ZNF469: variants seen among roughly 807,000 people sequenced by gnomAD.
The protein encoded by ZNF469 is zinc finger protein 469.
In ZNF469, 1 loss-of-function variant was observed where a neutral mutation model predicts 1.0. The ratio of observed to expected loss-of-function variants is 1.00; its 90% CI spans 0.35 to 4.73. The LOEUF is 4.73. Ranked by LOEUF, ZNF469 falls within the 30% of genes most tolerant of loss-of-function variation. ZNF469 has a pLI of 0.16. For synonymous variants in ZNF469, 2,703 were observed against 2,363.4 expected (o/e 1.14, Z -4.17); for missense variants, 6,100 against 5,356.3 (o/e 1.14, Z -4.33).
the ZNF469 span, among the ~76,000 whole-genome samples, chr16:88,296,908 T>C: frequency 6.6e-6 from 1 of 152,094 alleles, no homozygotes; most frequent in Non-Finnish European, 1.5e-5. Flanking sequence ...GTGCAGCACG[T>C]TGGATGCAGC....
chr16:88,174,357 A>G, the ZNF469 span, among the ~76,000 whole-genome samples: 3 of 152,252 alleles, frequency 2.0e-5, no homozygotes, highest in Non-Finnish European at 4.4e-5. Context: ...GCAAAACTTG[A>G]TAGAACTGAA....
chr16:88,322,109 T>A, the ZNF469 span, among the ~76,000 whole-genome samples: 2 of 152,352 alleles, frequency 1.3e-5, no homozygotes, highest in East Asian at 1.9e-4. Context: ...TACAGCATCA[T>A]GGAGCCACGG....
the ZNF469 span, among the ~76,000 whole-genome samples, chr16:88,266,350 G>C: frequency 6.6e-6 from 1 of 152,244 alleles, no homozygotes; most frequent in African/African-American, 2.4e-5. Context: ...TGCTGGGGCC[G>C]CTCCGGCTGA....
chr16:88,285,397 TG>T, the ZNF469 span, among the ~76,000 whole-genome samples: 2 of 152,228 alleles, frequency 1.3e-5, no homozygotes, highest in African/African-American at 4.8e-5. Context: ...ATGGTCACCC[TG>T]GTGGACGAAG....
the ZNF469 span, among the ~76,000 whole-genome samples, chr16:88,259,284 C>G: frequency 7.3e-6 from 1 of 136,510 alleles, no homozygotes; most frequent in South Asian, 2.7e-4. The surrounding 1 kb of genome is among the most constrained non-coding windows in gnomAD (Gnocchi z 4.1). Context: ...AGAGAGGTGT[C>G]CTCGGTGGGT....
chr16:88,208,706 C>G, the ZNF469 span, among the ~76,000 whole-genome samples: 1 of 148,472 alleles, frequency 6.7e-6, no homozygotes, highest in Non-Finnish European at 1.5e-5. Context: ...ACAGATAAGA[C>G]AAGATAGGAC....
chr16:88,436,380 T>C lies in ZNF469; in HGVS notation c.8910T>C (p.Gly2970=). 2 of 1,550,032 alleles carry C rather than the reference T, an allele frequency of 1.3e-6. No individual in the cohort carries two copies. Among genetic ancestry groups the C allele is most frequent in the Non-Finnish European group, 1.7e-6 (2 of 1,146,898 alleles). ...LWALEPSREA[G]AEKLPSHCPE... ...CCCTGGAGCCCAGCAGGGAAGCTGGTGCAGAGAAGCTGCCCTCCCACTGCC... is the reference window on the plus strand; with the variant it reads ...CCCTGGAGCCCAGCAGGGAAGCTGGCGCAGAGAAGCTGCCCTCCCACTGCC... The change falls in exon 3 of 3, where the codon GGT becomes GGC. Residue 2970 remains glycine (G), a synonymous_variant. Coordinates refer to ENST00000565624, the MANE Select transcript of ZNF469 (RefSeq NM_001367624.2).
chr16:88,155,924 C>A, the ZNF469 span, among the ~76,000 whole-genome samples: 3 of 152,194 alleles, frequency 2.0e-5, no homozygotes, highest in African/African-American at 7.2e-5. Flanking sequence ...CTGCTGTCTG[C>A]CTTCTTCTTA....
At chr16:88,303,498 G>A in the ZNF469 span, among the ~76,000 whole-genome samples, 1 of 152,136 alleles carries the variant, frequency 6.6e-6, no homozygotes, top group Non-Finnish European at 1.5e-5. Context: ...CCTGGCCCTG[G>A]CTCCCATGGA....
the ZNF469 span, among the ~76,000 whole-genome samples, chr16:88,360,697 C>T: frequency 7.2e-6 from 1 of 138,062 alleles, no homozygotes; most frequent in Non-Finnish European, 1.5e-5. Context: ...CCCGCGTGCT[C>T]CCTCAATGGC....
chr16:88,434,925 G>GGGCCT lies in ZNF469; in HGVS notation c.7457_7461dup (p.Ser2488AlafsTer2). 1 of 1,550,210 alleles carries GGGCCT rather than the reference G, an allele frequency of 6.5e-7. No homozygotes were observed. The highest frequency in any genetic ancestry group is 8.7e-7 in the Non-Finnish European group (1 of 1,146,984). On this transcript the variant is annotated frameshift_variant, in exon 3 of 3. Transcript: ENST00000565624. LOFTEE classifies it low-confidence loss of function (END_TRUNC). The stretch of plus-strand genomic sequence containing the variant: ...GCGCAGCCTCCTTCCGCTCCGGGCC[G>GGGCCT]GGCCTGAGCCGGCACAAGGCCAGGA...
At position 88,436,029 on chromosome 16, in the gene ZNF469, T is replaced by G. The variant is rs944223887; in HGVS notation, c.8559T>G (p.Phe2853Leu). Residue 2853 changes from phenylalanine (F) to leucine (L), a missense_variant, in exon 3 of 3, where the codon TTT becomes TTG. By Grantham distance (22) the Phe-to-Leu change is conservative (BLOSUM62 0). Transcript: ENST00000565624. Reference sequence around the variant, plus strand: ...GTGCCAAGGATCCTCCAAGCTTGTTTGATGATGAGGTCTCTTTCTCCCAGC... The same window carrying G: ...GTGCCAAGGATCCTCCAAGCTTGTTGGATGATGAGGTCTCTTTCTCCCAGC... ...GSSAKDPPSL[F>L]DDEVSFSQLF... 1.9e-6 allele frequency: 3 copies of G among 1,550,324 alleles called. No homozygotes were observed. The highest frequency in any genetic ancestry group is 2.7e-5 in the African/African-American group (2 of 73,180).
chr16:88,279,741 T>C, the ZNF469 span, among the ~76,000 whole-genome samples: 171 of 149,104 alleles, frequency 1.1e-3, 1 homozygote, highest in African/African-American at 3.6e-3. Flanking sequence ...TGCGCCACAC[T>C]GACACTCGGT....
At position 88,433,593 on chromosome 16, in the gene ZNF469, A is replaced by G; in HGVS notation, c.6123A>G (p.Gly2041=). The G allele has an allele frequency of 6.5e-7, 1 of 1,550,222 alleles. No individual in the cohort carries two copies. The highest frequency in any genetic ancestry group is 8.7e-7 in the Non-Finnish European group (1 of 1,146,892). ...EGAVLLEKCK[G]SRAAMSLQEE... is the part of the protein sequence containing the mutation. ...CAGTCCTGCTAGAGAAATGCAAGGG[A>G]AGCAGGGCAGCCATGAGCCTTCAGG... is the stretch of plus-strand genomic sequence containing the variant. Residue 2041 remains glycine, a synonymous_variant, in exon 3 of 3, where the codon GGA becomes GGG. Transcript: ENST00000565624.
At chr16:88,380,927 G>GACATGCACTCAC (rs1567495734), upstream of ZNF469, among the ~76,000 whole-genome samples, 365 of 28,386 alleles carry the variant, frequency 0.013, 5 homozygotes, top group African/African-American at 0.13. Context: ...CACTCACACA[G>GACATGCACTCAC]ACACGCACTC....
the ZNF469 span, among the ~76,000 whole-genome samples, chr16:88,215,567 T>C: frequency 6.6e-6 from 1 of 151,824 alleles, no homozygotes; most frequent in African/African-American, 2.4e-5. Flanking sequence ...TTTTTGTATT[T>C]TTAGTAGAGA....
the ZNF469 span, among the ~76,000 whole-genome samples, chr16:88,298,107 G>A: frequency 6.6e-6 from 1 of 152,202 alleles, no homozygotes; most frequent in African/African-American, 2.4e-5. Context: ...AATTGCAGAT[G>A]TAACCCCGCC....
chr16:88,221,905 C>T, the ZNF469 span, among the ~76,000 whole-genome samples: 1 of 152,290 alleles, frequency 6.6e-6, no homozygotes, highest in East Asian at 1.9e-4. Context: ...TCATTGAATT[C>T]ACAGCCCTCC....
At chr16:88,338,188 G>A in the ZNF469 span, among the ~76,000 whole-genome samples, 43 of 151,900 alleles carry the variant, frequency 2.8e-4, no homozygotes, top group East Asian at 7.7e-3. Flanking sequence ...GAGACCCTCC[G>A]GCGCCTCCAA....
Sources: gnomAD v4.1 joint callset for allele counts (sites outside exome capture counted in the v4.1 genomes callset) on GRCh38, gnomAD v4.1.1 for gene constraint, Gnocchi (gnomAD v3.1) non-coding constraint, MANE v1.5 for transcripts, NCBI Gene and HGNC (gene_info 2026-07-23, HGNC 2026-07-21) for gene names.